Variants in SUPT3H observed in about 807,000 individuals in gnomAD.
SUPT3H encodes transcription initiation protein SPT3 homolog.
In SUPT3H, 44 loss-of-function variants were observed where a neutral mutation model predicts 44.3. The ratio of observed to expected loss-of-function variants is 0.99; its 90% CI spans 0.78 to 1.28. The LOEUF is 1.28. Ranked by LOEUF, SUPT3H falls within the 50% of genes most tolerant of loss-of-function variation. The pLI, the probability that SUPT3H is intolerant of heterozygous loss-of-function variation, is 0.00. For synonymous variants in SUPT3H, 124 were observed against 125.6 expected, an observed-to-expected ratio of 0.99 and a Z score of 0.09; for missense variants, 380 against 387.1, an observed-to-expected ratio of 0.98 and a Z score of 0.15.
intron 2 of SUPT3H, among the ~76,000 whole-genome samples, chr6:45,177,496 C>A (rs1253821823): frequency 6.6e-6 from 1 of 152,204 alleles, no homozygotes; most frequent in Non-Finnish European, 1.5e-5. Context: ...AAACACTCTG[C>A]AGGATATTAT....
intron 2 of SUPT3H, among the ~76,000 whole-genome samples, chr6:45,286,837 C>T (rs756209214): frequency 2.0e-5 from 3 of 152,180 alleles, no homozygotes; most frequent in South Asian, 2.1e-4. Flanking sequence ...GACTAGGAAC[C>T]AAGCCAAATG....
At chr6:45,002,947 T>C (rs927090092) in intron 6 of SUPT3H, among the ~76,000 whole-genome samples, 5 of 152,138 alleles carry the variant, frequency 3.3e-5, no homozygotes, top group Admixed American at 3.3e-4. Flanking sequence ...AGATTCCTTA[T>C]ATGTGAAAGT....
At chr6:45,171,830 G>A (rs1297013447) in intron 2 of SUPT3H, among the ~76,000 whole-genome samples, 2 of 134,630 alleles carry the variant, frequency 1.5e-5, no homozygotes, top group African/African-American at 2.8e-5. Context: ...CGATTCTCCT[G>A]CCTCAGCCTC....
chr6:44,893,398 C>A (rs563468555), intron 10 of SUPT3H, among the ~76,000 whole-genome samples: 1 of 150,828 alleles, frequency 6.6e-6, no homozygotes, highest in South Asian at 2.1e-4. Flanking sequence ...CCACAACAGT[C>A]CCCAGAGTGT....
chr6:44,826,803 T>C lies in SUPT3H; in HGVS notation c.*3013A>G, dbSNP rs939912998. 2.0e-5 allele frequency among the ~76,000 whole-genome samples: 3 copies of C among 152,200 alleles called. No individual in the cohort carries two copies. Among genetic ancestry groups the C allele is most frequent in the African/African-American group, 7.2e-5 (3 of 41,460 alleles). ...AAAAGCATCAGACATGGCTTGTTTATTATTTTATAAAAACAAAGAACAGCA... is the reference window on the plus strand; with the variant it reads ...AAAAGCATCAGACATGGCTTGTTTACTATTTTATAAAAACAAAGAACAGCA... On this transcript the variant is annotated 3_prime_UTR_variant, in exon 11 of 11. Coordinates refer to ENST00000371459, the MANE Select transcript of SUPT3H (RefSeq NM_003599.4).
chr6:45,203,811 T>A (rs1762779505), intron 2 of SUPT3H, among the ~76,000 whole-genome samples: 1 of 152,174 alleles, frequency 6.6e-6, no homozygotes, highest in Admixed American at 6.5e-5. Context: ...AGATCAATTG[T>A]AACTTTTCCA....
Position 45,276,106 on chromosome 6 carries a change from C to T in SUPT3H, c.101+89095G>A, listed in dbSNP as rs1399118397. 4.6e-5 allele frequency among the ~76,000 whole-genome samples: 7 copies of T among 151,892 alleles called. No homozygotes were observed. The South Asian group carries it at 6.2e-4, about 13-fold the overall frequency. On this transcript the variant is annotated intron_variant, in intron 2 of 10. Coordinates refer to ENST00000371459, the MANE Select transcript of SUPT3H (RefSeq NM_003599.4). ...CCAGTCGCAGAATTTATGCTAACAACGCACTAAAATATTCTGCTATTTACT... is the reference window on the plus strand; with the variant it reads ...CCAGTCGCAGAATTTATGCTAACAATGCACTAAAATATTCTGCTATTTACT...
chr6:44,838,024 A>G (rs979410782), intron 10 of SUPT3H, among the ~76,000 whole-genome samples: 4 of 152,238 alleles, frequency 2.6e-5, no homozygotes, highest in African/African-American at 7.2e-5. Context: ...CTGTTTGCCA[A>G]TGGTCAACAC....
chr6:45,266,366 AT>A (rs1322300699), intron 2 of SUPT3H, among the ~76,000 whole-genome samples: 1 of 151,924 alleles, frequency 6.6e-6, no homozygotes, highest in Non-Finnish European at 1.5e-5. Context: ...AAAATTTCTA[AT>A]GATTTCGTCA....
chr6:45,047,161 T>C (rs1789531914), intron 3 of SUPT3H, among the ~76,000 whole-genome samples: 1 of 152,356 alleles, frequency 6.6e-6, no homozygotes, highest in African/African-American at 2.4e-5. Context: ...AAGTCAGTTT[T>C]ACTTTTTTCT....
chr6:45,017,059 C>T (rs895354578), intron 4 of SUPT3H, among the ~76,000 whole-genome samples: 5 of 151,768 alleles, frequency 3.3e-5, no homozygotes, highest in African/African-American at 1.2e-4. Context: ...GATGGTATCT[C>T]ATTGTGGTTT....
chr6:45,104,688 AAAG>A (rs149709887), intron 3 of SUPT3H, among the ~76,000 whole-genome samples: 5,543 of 152,190 alleles, frequency 0.036, 140 homozygotes, highest in Middle Eastern at 0.058. Flanking sequence ...CAATAGCAAC[AAAG>A]AAGATGAAAT....
intron 10 of SUPT3H, among the ~76,000 whole-genome samples, chr6:44,910,475 G>T (rs1766838369): frequency 6.6e-6 from 1 of 151,970 alleles, no homozygotes; most frequent in South Asian, 2.1e-4. Flanking sequence ...CTTACTTCAT[G>T]GGATTTAAGT....
chr6:44,824,593 C>G (rs941851308), downstream of SUPT3H, among the ~76,000 whole-genome samples: 1 of 152,106 alleles, frequency 6.6e-6, no homozygotes, highest in Non-Finnish European at 1.5e-5. Context: ...TGAGGCAGAA[C>G]AAACTTAGGG....
chr6:45,365,428 C>CA, intron 1 of SUPT3H, 127 bp from the exon 2 acceptor site: 1 of 622,046 alleles, frequency 1.6e-6, no homozygotes, highest in Non-Finnish European at 2.7e-6. Context: ...TTGTTTTGCA[C>CA]AAAACTGATT....
chr6:44,985,394 C>T (rs1186382403), intron 6 of SUPT3H, among the ~76,000 whole-genome samples: 1 of 151,510 alleles, frequency 6.6e-6, no homozygotes, highest in Non-Finnish European at 1.5e-5. Context: ...ACTCTTTATC[C>T]AAAAAGTTAA....
chr6:44,884,479 T>C (rs549305450), intron 10 of SUPT3H, among the ~76,000 whole-genome samples: 6 of 152,210 alleles, frequency 3.9e-5, no homozygotes, highest in South Asian at 2.1e-4. Context: ...AGAAATACCA[T>C]TTGCTCCAGC....
chr6:44,846,344 T>C (rs2153418613), intron 10 of SUPT3H, among the ~76,000 whole-genome samples: 1 of 152,326 alleles, frequency 6.6e-6, no homozygotes, highest in Admixed American at 6.5e-5. Context: ...CTTCAAGAGT[T>C]ACACTTACGC....
intron 2 of SUPT3H, among the ~76,000 whole-genome samples, chr6:45,230,638 A>G (rs1405502718): frequency 8.8e-6 from 1 of 113,416 alleles, no homozygotes; most frequent in East Asian, 2.8e-4. Context: ...CATATAGTGA[A>G]ATCATGTTTT....
Sources: gnomAD v4.1 joint callset for allele counts (sites outside exome capture counted in the v4.1 genomes callset) on GRCh38, gnomAD v4.1.1 for gene constraint, MANE v1.5 for transcripts, NCBI Gene and HGNC (gene_info 2026-07-23, HGNC 2026-07-21) for gene names.